CTPS1: variants seen among roughly 807,000 people sequenced by gnomAD.
CTPS1 encodes the protein CTP synthase 1.
In CTPS1, 25 loss-of-function variants were observed where a neutral mutation model predicts 80.5. That is an observed-to-expected ratio of 0.31 (90% CI 0.23 to 0.43). CTPS1 has a LOEUF of 0.43. Ranked by LOEUF, CTPS1 falls within the 20% of genes least tolerant of loss-of-function variation. CTPS1 has a pLI of 1.00. For synonymous variants in CTPS1, 267 were observed against 252.5 expected, an observed-to-expected ratio of 1.06 and a Z score of -0.54; for missense variants, 442 against 725.7, an observed-to-expected ratio of 0.61 and a Z score of 4.49.
intron 7 of CTPS1, 88 bp from the exon 8 acceptor site, chr1:40,995,829 A>G: frequency 1.5e-6 from 2 of 1,329,664 alleles, no homozygotes; most frequent in African/African-American, 1.5e-5. Context: ...CAAATACATA[A>G]TATTTTTACA....
At chr1:41,001,458 G>T (rs1258433493) in intron 10 of CTPS1, 1 of 269,546 alleles carries the variant, frequency 3.7e-6, no homozygotes, top group Non-Finnish European at 7.1e-6. Context: ...ACATTAGCAA[G>T]AATTTCTGGT....
At chr1:41,006,806 A>G (rs939668452) in intron 13 of CTPS1, among the ~76,000 whole-genome samples, 7 of 152,186 alleles carry the variant, frequency 4.6e-5, no homozygotes, top group Non-Finnish European at 8.8e-5. Context: ...GAGACGGACA[A>G]AGTTCTTGAT....
At chr1:40,991,373 A>G in intron 6 of CTPS1, 125 bp downstream of exon 6, 2 of 724,902 alleles carry the variant, frequency 2.8e-6, no homozygotes, top group Non-Finnish European at 2.2e-6. Context: ...AGAAAATAGG[A>G]TTAGTTCTTT....
chr1:41,007,710 G>A lies in CTPS1; in HGVS notation c.1393+165G>A, dbSNP rs1643069592. On this transcript the variant is annotated intron_variant, in intron 14 of 18. Coordinates refer to ENST00000650070, the MANE Select transcript of CTPS1 (RefSeq NM_001905.4). The surrounding 1 kb of genome is among the most constrained non-coding windows in gnomAD (Gnocchi z 4.4). ...TATTCATACCCTTTTAGGATGCACTGTGATAGCCATAGAAGCAGTGTGGGT... is the reference window on the plus strand; with the variant it reads ...TATTCATACCCTTTTAGGATGCACTATGATAGCCATAGAAGCAGTGTGGGT... Among the ~76,000 whole-genome samples the A allele has an allele frequency of 6.6e-6, 1 of 152,220 alleles. No homozygotes were observed. Among genetic ancestry groups the A allele is most frequent in the Non-Finnish European group, 1.5e-5 (1 of 68,038 alleles).
Position 41,009,461 on chromosome 1 carries a change from TGGG to T in CTPS1, c.1565_1567del (p.Gly522del). The T allele has an allele frequency of 6.4e-7, 1 of 1,574,226 alleles. No individual in the cohort carries two copies. Among genetic ancestry groups the T allele is most frequent in the African/African-American group, 1.4e-5 (1 of 72,604 alleles). On this transcript the variant is annotated inframe_deletion, in exon 17 of 19. Transcript: ENST00000650070. Reference sequence around the variant, plus strand: ...CTATTTCAGATCATCCCTTTTTTGTTGGGGTTCAGTACCACCCTGAGTTCCTGT... The same window carrying T: ...CTATTTCAGATCATCCCTTTTTTGTTGTTCAGTACCACCCTGAGTTCCTGT...
intron 17 of CTPS1, 50 bp from the exon 18 acceptor site, chr1:41,010,111 A>G (rs372591279): frequency 7.3e-7 from 1 of 1,370,444 alleles, no homozygotes; most frequent in South Asian, 1.2e-5. Context: ...ACAGGGACGT[A>G]AAGTGAGTTT....
intron 9 of CTPS1, among the ~76,000 whole-genome samples, chr1:40,998,950 T>C (rs1382038096): frequency 1.3e-5 from 2 of 152,218 alleles, no homozygotes. Context: ...TTTCCATCAT[T>C]CATTTATTTT....
intron 9 of CTPS1, among the ~76,000 whole-genome samples, chr1:40,998,025 C>T (rs367629053): frequency 3.3e-5 from 5 of 152,124 alleles, no homozygotes; most frequent in South Asian, 2.1e-4. Flanking sequence ...TGTGCCATGG[C>T]GGGCAGCAGC....
rs1225861974 is a variant in CTPS1 at position 41,012,427 on chromosome 1, T to A, written c.*779T>A. The A allele has an allele frequency of 6.6e-6, 1 of 152,214 alleles. No homozygotes were observed. Among genetic ancestry groups the A allele is most frequent in the African/African-American group, 2.4e-5 (1 of 41,462 alleles). The allele number at this position is 152,214 out of a possible 1,614,324, so 9.4% of individuals were successfully genotyped here. A position where few individuals can be genotyped will look rare whatever the true frequency, so the allele number is the denominator to read the frequency against. ...GGTCCATTTTTCTTCCAGGATGGTG[T>A]TACTGCAGTTGAAAGGGCAATATGA... On this transcript the variant is annotated 3_prime_UTR_variant, in exon 19 of 19. Coordinates refer to ENST00000650070, the MANE Select transcript of CTPS1 (RefSeq NM_001905.4).
chr1:40,992,682 A>AT (rs67623913), intron 7 of CTPS1, among the ~76,000 whole-genome samples: 6,860 of 127,886 alleles, frequency 0.054, 579 homozygotes, highest in African/African-American at 0.18. Flanking sequence ...AAATTGTTCA[A>AT]TTTTTTTTTT....
At chr1:41,003,016 C>G in intron 11 of CTPS1, 98 bp from the exon 12 acceptor site, 3 of 1,164,866 alleles carry the variant, frequency 2.6e-6, no homozygotes, top group Non-Finnish European at 3.8e-6. Flanking sequence ...TTATAATTCT[C>G]CAAATAAAGG....
Position 41,007,811 on chromosome 1 carries a change from T to C in CTPS1, c.1393+266T>C, listed in dbSNP as rs1177084403. 6.6e-6 allele frequency among the ~76,000 whole-genome samples: 1 copy of C among 152,226 alleles called. No homozygotes were observed. The highest frequency in any genetic ancestry group is 2.1e-4 in the South Asian group (1 of 4,834). On this transcript the variant is annotated intron_variant, in intron 14 of 18. Transcript: ENST00000650070. This position sits in a 1 kb window ranked among gnomAD's most constrained non-coding sequence, Gnocchi z 4.4. Reference sequence around the variant, plus strand: ...AACAGAATGAGGCAGTGAGGTTACATTCATCCTTATCGGTTACTTTCCTAT... The same window carrying C: ...AACAGAATGAGGCAGTGAGGTTACACTCATCCTTATCGGTTACTTTCCTAT...
At chr1:41,002,848 G>GA (rs1172731546) in intron 11 of CTPS1, among the ~76,000 whole-genome samples, 2 of 152,000 alleles carry the variant, frequency 1.3e-5, no homozygotes, top group Non-Finnish European at 2.9e-5. Context: ...TGTCTGGGGG[G>GA]AAAAAAGTAC....
At chr1:41,004,160 A>C (rs1392136452) in intron 12 of CTPS1, 1 of 152,292 alleles carries the variant, frequency 6.6e-6, no homozygotes, top group Non-Finnish European at 1.5e-5. Context: ...GGTCCACCAC[A>C]GCCCATTTAT....
intron 4 of CTPS1, 153 bp from the exon 5 acceptor site, chr1:40,988,441 T>G: frequency 1.6e-6 from 1 of 628,828 alleles, no homozygotes; most frequent in Non-Finnish European, 2.9e-6. Context: ...GTTGTCTAAT[T>G]CCTGTTAACT....
rs1642949638 is a variant in CTPS1, at chr1:41,003,187, A to G, written c.1252+11A>G. 6.2e-7 allele frequency: 1 copy of G among 1,614,030 alleles called. No individual in the cohort carries two copies. On this transcript the variant is annotated intron_variant, in intron 12 of 18. Transcript: ENST00000650070. ...TGCTGGGATGGCAAGGTAAGCGTGC[A>G]TTAAGACACTCATTCAATTCCCGCT...
intron 9 of CTPS1, among the ~76,000 whole-genome samples, chr1:40,998,860 G>A (rs1013084336): frequency 6.6e-6 from 1 of 152,172 alleles, no homozygotes; most frequent in Middle Eastern, 3.2e-3. Flanking sequence ...TGCTGGACAG[G>A]TTCCTGCAGA....
intron 17 of CTPS1, 45 bp downstream of exon 17, chr1:41,009,634 C>A: frequency 6.2e-7 from 1 of 1,606,442 alleles, no homozygotes; most frequent in Non-Finnish European, 8.5e-7. Flanking sequence ...CTTCTCTAGT[C>A]CTTTAGGTGG....
intron 3 of CTPS1, 71 bp downstream of exon 3, chr1:40,985,062 A>G (rs967447322): frequency 3.8e-6 from 4 of 1,058,056 alleles, no homozygotes; most frequent in African/African-American, 1.6e-5. Context: ...CCACCTCTAC[A>G]CAGATGTGTA....
Sources: gnomAD v4.1 joint callset for allele counts (sites outside exome capture counted in the v4.1 genomes callset) on GRCh38, gnomAD v4.1.1 for gene constraint, Gnocchi (gnomAD v3.1) non-coding constraint, MANE v1.5 for transcripts, NCBI Gene and HGNC (gene_info 2026-07-23, HGNC 2026-07-21) for gene names.